STOX2: variants seen among roughly 807,000 people sequenced by gnomAD.
The protein encoded by STOX2 is storkhead-box protein 2.
In STOX2, 28 loss-of-function variants were observed where a neutral mutation model predicts 60.9. The observed-to-expected ratio is 0.46, with a 90% confidence interval of 0.34 to 0.63. The LOEUF (loss-of-function observed/expected upper bound fraction) is 0.63, where lower values mean the gene tolerates loss of function less well. STOX2 is among the 30% of genes least tolerant of loss of function. STOX2 has a pLI of 0.01. For missense variants in STOX2, 1,024 were observed against 1,187.7 expected (o/e 0.86, Z 2.03); for synonymous variants, 472 against 463.9 (o/e 1.02, Z -0.22).
At chr4:183,838,277 ATACT>A (rs1478167599) in intron 1 of STOX2, among the ~76,000 whole-genome samples, 1 of 151,006 alleles carries the variant, frequency 6.6e-6, no homozygotes, top group African/African-American at 2.4e-5. Flanking sequence ...ATATATTGAA[ATACT>A]TAAATAATTC....
intron 1 of STOX2, among the ~76,000 whole-genome samples, chr4:183,811,927 G>T (rs1184734670): frequency 7.6e-6 from 1 of 131,114 alleles, no homozygotes; most frequent in Admixed American, 7.4e-5. Flanking sequence ...AGAAAGCCTG[G>T]ATTTTTTTTT....
At chr4:183,952,153 T>A (rs1352909714) in intron 1 of STOX2, among the ~76,000 whole-genome samples, 1 of 152,204 alleles carries the variant, frequency 6.6e-6, no homozygotes, top group Admixed American at 6.5e-5. Context: ...CAAGTGAATA[T>A]AAAATGATCC....
chr4:183,858,133 CA>C (rs1740345957), intron 1 of STOX2, among the ~76,000 whole-genome samples: 2 of 152,132 alleles, frequency 1.3e-5, no homozygotes, highest in Non-Finnish European at 2.9e-5. Context: ...CCTCAGGGGG[CA>C]CCATGCCTGA....
At position 183,911,478 on chromosome 4, in the gene STOX2, C is replaced by T. The variant is rs117595905; in HGVS notation, c.166+4522C>T. Reference sequence around the variant, plus strand: ...ACCTATGTTGACTCCTTTCATCAGGCGAGTGGAAGTGAGGAATATTACACT... The same window carrying T: ...ACCTATGTTGACTCCTTTCATCAGGTGAGTGGAAGTGAGGAATATTACACT... On this transcript the variant is annotated intron_variant, in intron 1 of 3. Transcript: ENST00000308497. 2.6e-3 allele frequency among the ~76,000 whole-genome samples: 394 copies of T among 152,214 alleles called. 10 individuals are homozygous for T. The East Asian group carries it at 0.064, about 25-fold the overall frequency.
At chr4:183,900,655 A>G (rs1741441455), upstream of STOX2, among the ~76,000 whole-genome samples, 1 of 152,092 alleles carries the variant, frequency 6.6e-6, no homozygotes, top group Non-Finnish European at 1.5e-5. Flanking sequence ...AAGGTTTTAC[A>G]TTCAATTTAT....
intron 1 of STOX2, among the ~76,000 whole-genome samples, chr4:183,959,470 C>G (rs1325363842): frequency 4.6e-5 from 7 of 152,154 alleles, no homozygotes. Context: ...GCAAGGCTGC[C>G]GTTCCTCCCC....
chr4:183,906,780 CCCTCCCCACCATGAAG>C lies in STOX2; in HGVS notation c.-10_6del, dbSNP rs1024864509. The C allele has an allele frequency of 6.6e-7, 1 of 1,518,192 alleles. No homozygotes were observed. The highest frequency in any genetic ancestry group is 8.9e-7 in the Non-Finnish European group (1 of 1,128,200). 94.0% of individuals were successfully genotyped at this position (1,518,192 alleles called of 1,614,324 possible). A position where few individuals can be genotyped will look rare whatever the true frequency, so the allele number is the denominator to read the frequency against. ...CCCCGAGGATCGGGGCGGCAGGTCG[CCCTCCCCACCATGAAG>C]AAGACCCGGAGCACAACCTTGCGGC... On this transcript the variant is annotated start_lost and 5_prime_UTR_variant, in exon 1 of 4. Coordinates refer to ENST00000308497, the MANE Select transcript of STOX2 (RefSeq NM_020225.3).
intron 1 of STOX2, among the ~76,000 whole-genome samples, chr4:183,894,826 ACT>A (rs1225800786): frequency 6.6e-6 from 1 of 152,002 alleles, no homozygotes; most frequent in Non-Finnish European, 1.5e-5. Context: ...TGTGGATTTA[ACT>A]CTCTCGGTCT....
chr4:183,955,506 T>C (rs752365868), intron 1 of STOX2, among the ~76,000 whole-genome samples: 6 of 152,204 alleles, frequency 3.9e-5, no homozygotes, highest in Non-Finnish European at 7.3e-5. Flanking sequence ...GAGACTTAGC[T>C]TTGAGAGCGC....
At chr4:183,851,051 G>C (rs1191005664) in intron 1 of STOX2, among the ~76,000 whole-genome samples, 5 of 134,466 alleles carry the variant, frequency 3.7e-5, no homozygotes, top group East Asian at 2.3e-4. Context: ...TGAGAGAAAC[G>C]ATGAGAGAAA....
In STOX2 at chr4:183,804,478, A is replaced by G. The variant is rs181470336; in HGVS notation, c.364+6423A>G. Among the ~76,000 whole-genome samples the G allele has an allele frequency of 2.3e-3, 348 of 152,374 alleles. 4 individuals carry two copies. Among genetic ancestry groups the G allele is most frequent in the Admixed American group, 0.016 (247 of 15,310 alleles). ...GGAAAGGAGAAGAAGGTGTGACTGC[A>G]GCTGAGGTCAGAAGCAGGCCCAGGC... is the stretch of plus-strand genomic sequence containing the variant. On this transcript the variant is annotated intron_variant, in intron 1 of 2. Coordinates refer to the STOX2 transcript ENST00000513034.
At chr4:183,889,925 T>G (rs980341736) in intron 1 of STOX2, among the ~76,000 whole-genome samples, 1 of 152,232 alleles carries the variant, frequency 6.6e-6, no homozygotes, top group Non-Finnish European at 1.5e-5. Context: ...TACTGCTGTT[T>G]AGAGGCCATA....
At chr4:183,864,173 G>A (rs1341642201) in intron 1 of STOX2, among the ~76,000 whole-genome samples, 1 of 152,134 alleles carries the variant, frequency 6.6e-6, no homozygotes, top group East Asian at 1.9e-4. Flanking sequence ...GCTGTTTACT[G>A]CAGGACTTCT....
chr4:183,801,030 AC>A (rs1738752459), intron 1 of STOX2, among the ~76,000 whole-genome samples: 1 of 152,180 alleles, frequency 6.6e-6, no homozygotes, highest in Non-Finnish European at 1.5e-5. Context: ...GTAACTTGAA[AC>A]ACCTGTGTTG....
intron 2 of STOX2, among the ~76,000 whole-genome samples, chr4:184,008,788 C>T (rs1733992732): frequency 6.6e-6 from 1 of 152,024 alleles, no homozygotes; most frequent in South Asian, 2.1e-4. Flanking sequence ...ATTGAAAAAG[C>T]CTTTTCTATA....
chr4:183,850,980 CGAT>C (rs1244078028), intron 1 of STOX2, among the ~76,000 whole-genome samples: 2 of 46,544 alleles, frequency 4.3e-5, no homozygotes, highest in South Asian at 7.5e-4. Flanking sequence ...ATGAGGGAAA[CGAT>C]GAGAAAGGAT....
chr4:183,818,851 G>A (rs956467420), intron 1 of STOX2, among the ~76,000 whole-genome samples: 4 of 151,204 alleles, frequency 2.6e-5, no homozygotes, highest in Non-Finnish European at 5.9e-5. Flanking sequence ...GGGCAGAGGC[G>A]CTCCTCACAT....
chr4:183,863,942 G>A (rs1041375626), intron 1 of STOX2, among the ~76,000 whole-genome samples: 10 of 152,074 alleles, frequency 6.6e-5, no homozygotes, highest in Non-Finnish European at 1.0e-4. Flanking sequence ...ACTTTAATTC[G>A]AAACAGAATG....
At chr4:183,896,687 C>T (rs1483937940) in intron 1 of STOX2, among the ~76,000 whole-genome samples, 2 of 152,162 alleles carry the variant, frequency 1.3e-5, no homozygotes, top group African/African-American at 4.8e-5. Context: ...TTTACCTGTG[C>T]TCATTAAGTG....
Sources: allele counts gnomAD v4.1 joint callset (sites outside exome capture counted in the v4.1 genomes callset), GRCh38; gene constraint gnomAD v4.1.1; transcripts MANE v1.5; gene names NCBI Gene and HGNC (gene_info 2026-07-23, HGNC 2026-07-21).